The following RUNX1T1 variants were observed in gnomAD, a reference collection of about 807,000 sequenced individuals.
RUNX1T1 encodes RUNX1 partner transcriptional co-repressor 1.
A neutral mutation model predicts 62.8 loss-of-function variants in RUNX1T1; 4 were observed. That is an observed-to-expected ratio of 0.06 (90% CI 0.03 to 0.15). The LOEUF is 0.15. RUNX1T1 is among the 10% of genes least tolerant of loss of function. The pLI, the probability that RUNX1T1 is intolerant of heterozygous loss-of-function variation, is 1.00. For missense variants in RUNX1T1, 508 were observed against 754.3 expected (o/e 0.67, Z 3.82); for synonymous variants, 291 against 286.0 (o/e 1.02, Z -0.18).
intron 1 of RUNX1T1, among the ~76,000 whole-genome samples, chr8:92,027,048 G>A (rs1272766522): frequency 6.7e-6 from 1 of 149,382 alleles, no homozygotes; most frequent in Non-Finnish European, 1.5e-5. Flanking sequence ...CCCGGGAGGC[G>A]GAGCTTGCAG....
At chr8:92,101,873 C>A (rs564018256), upstream of RUNX1T1, among the ~76,000 whole-genome samples, 2 of 152,210 alleles carry the variant, frequency 1.3e-5, no homozygotes, top group African/African-American at 4.8e-5. Context: ...GCCAACCAAC[C>A]CGGTCCTTTC....
intron 6 of RUNX1T1, among the ~76,000 whole-genome samples, chr8:91,987,368 C>T (rs545462607): frequency 6.6e-6 from 1 of 152,194 alleles, no homozygotes; most frequent in South Asian, 2.1e-4. Context: ...ATAAAGACAG[C>T]ATAAGTCATT....
chr8:91,969,844 A>C (rs1311123446), intron 10 of RUNX1T1, among the ~76,000 whole-genome samples: 1 of 152,140 alleles, frequency 6.6e-6, no homozygotes, highest in East Asian at 1.9e-4. Flanking sequence ...GCTTGGTGAG[A>C]GCAGCCCATT....
upstream of RUNX1T1, among the ~76,000 whole-genome samples, chr8:92,064,327 A>C (rs1832544253): frequency 6.6e-6 from 1 of 152,204 alleles, no homozygotes; most frequent in South Asian, 2.1e-4. Context: ...CACAATTCAT[A>C]ACGATTACTC....
chr8:92,102,184 C>A (rs528462694), upstream of RUNX1T1, among the ~76,000 whole-genome samples: 4 of 152,256 alleles, frequency 2.6e-5, no homozygotes, highest in East Asian at 7.8e-4. This position sits in a 1 kb window ranked among gnomAD's most constrained non-coding sequence, Gnocchi z 4.5. Flanking sequence ...CCGGGACCAG[C>A]CTCGGGCGGG....
At chr8:91,992,581 C>T (rs944341810) in intron 5 of RUNX1T1, among the ~76,000 whole-genome samples, 9 of 152,140 alleles carry the variant, frequency 5.9e-5, no homozygotes, top group African/African-American at 1.4e-4. Context: ...GAGCAAATAC[C>T]GTATGCAATG....
chr8:92,000,197 T>C (rs1017118658), intron 5 of RUNX1T1, among the ~76,000 whole-genome samples: 6 of 151,888 alleles, frequency 4.0e-5, no homozygotes, highest in African/African-American at 1.5e-4. Flanking sequence ...ACCTCTCTAC[T>C]TGGGAGGCTG....
chr8:92,051,019 A>G (rs898771911), intron 1 of RUNX1T1, among the ~76,000 whole-genome samples: 4 of 152,144 alleles, frequency 2.6e-5, no homozygotes, highest in Admixed American at 6.5e-5. Flanking sequence ...TTCCTTGACA[A>G]TCTAATCTAA....
At chr8:92,016,520 T>C (rs1289212854) in intron 2 of RUNX1T1, among the ~76,000 whole-genome samples, 1 of 151,988 alleles carries the variant, frequency 6.6e-6, no homozygotes, top group African/African-American at 2.4e-5. Flanking sequence ...ACTAAAAATA[T>C]GAAAATTAGC....
chr8:92,088,029 G>T (rs909230943), intron 1 of RUNX1T1, among the ~76,000 whole-genome samples: 30 of 152,180 alleles, frequency 2.0e-4, no homozygotes, highest in Admixed American at 1.6e-3. Context: ...CTCATCAGAG[G>T]TCAAATGCGG....
intron 1 of RUNX1T1, among the ~76,000 whole-genome samples, chr8:92,023,669 T>C (rs543084524): frequency 1.4e-4 from 21 of 152,356 alleles, no homozygotes; most frequent in African/African-American, 5.1e-4. Flanking sequence ...AGAGAATCTA[T>C]AGTCACTTTC....
intron 8 of RUNX1T1, chr8:91,979,787 A>G: frequency 1.9e-6 from 1 of 523,744 alleles, no homozygotes; most frequent in Non-Finnish European, 3.7e-6. Flanking sequence ...GACAGGATGG[A>G]GACCATTGGA....
chr8:91,998,391 C>A (rs1243654807), intron 5 of RUNX1T1, among the ~76,000 whole-genome samples: 5 of 152,160 alleles, frequency 3.3e-5, no homozygotes, highest in Admixed American at 3.3e-4. Flanking sequence ...GCCACAGGAC[C>A]ATCATTATTG....
chr8:91,996,346 C>G (rs1367929039), intron 5 of RUNX1T1, among the ~76,000 whole-genome samples: 1 of 152,092 alleles, frequency 6.6e-6, no homozygotes, highest in Non-Finnish European at 1.5e-5. Context: ...GGACTACAGG[C>G]GCCCGCCACC....
intron 1 of RUNX1T1, among the ~76,000 whole-genome samples, chr8:92,026,809 G>A (rs1039570246): frequency 2.0e-5 from 3 of 149,636 alleles, no homozygotes; most frequent in African/African-American, 4.9e-5. Flanking sequence ...GCAAGAGAGC[G>A]AGACCCAGTC....
At chr8:92,065,758 T>A (rs72671436), upstream of RUNX1T1, among the ~76,000 whole-genome samples, 27,561 of 152,210 alleles carry the variant, frequency 0.18, 2,645 homozygotes, top group Middle Eastern at 0.23. Context: ...AGGAAAGCTC[T>A]CTACATTGGT....
At chr8:91,959,429 T>G in exon 11 of RUNX1T1, 1 of 100,030 alleles carries the variant, frequency 1.0e-5, no homozygotes, top group East Asian at 1.8e-4. Context: ...TGTGTGTGTG[T>G]GTGTGTGTGT....
Position 92,017,707 on chromosome 8 carries a change from G to C in RUNX1T1, c.8-344C>G, listed in dbSNP as rs528217563. 3.7e-3 allele frequency: 4,174 copies of C among 1,121,554 alleles called. 9 individuals are homozygous for C. Among genetic ancestry groups the C allele is most frequent in the Non-Finnish European group, 4.3e-3 (3,795 of 882,622 alleles). The allele number at this position is 1,121,554 out of a possible 1,614,324, so 69.5% of individuals were successfully genotyped here. A position where few individuals can be genotyped will look rare whatever the true frequency, so the allele number is the denominator to read the frequency against. ...GAGGTAGAAAATAGATGAGGAAGTG[G>C]GATGATAATGAACCCCTCATGACAG... On this transcript the variant is annotated intron_variant, in intron 1 of 10. Coordinates refer to ENST00000396218, the Ensembl canonical transcript of RUNX1T1.
chr8:92,008,672 G>T (rs376310952), intron 4 of RUNX1T1, among the ~76,000 whole-genome samples: 1 of 152,048 alleles, frequency 6.6e-6, no homozygotes, highest in Non-Finnish European at 1.5e-5. Context: ...CAAAGCATTC[G>T]CTGGCTCCCA....
Sources: allele counts gnomAD v4.1 joint callset (sites outside exome capture counted in the v4.1 genomes callset), GRCh38; gene constraint gnomAD v4.1.1; non-coding constraint Gnocchi (gnomAD v3.1); transcripts MANE v1.5; gene names NCBI Gene and HGNC (gene_info 2026-07-23, HGNC 2026-07-21).